Variants in SEPTIN11 observed in about 807,000 individuals in gnomAD.
SEPTIN11 encodes the protein septin 11.
Under a neutral mutation model 51.4 loss-of-function variants are expected in SEPTIN11, and 25 were observed. That is an observed-to-expected ratio of 0.49 (90% CI 0.35 to 0.68). The LOEUF (loss-of-function observed/expected upper bound fraction) is 0.68. Ranked by LOEUF, SEPTIN11 falls within the 30% of genes least tolerant of loss-of-function variation. The pLI is 0.00. For missense variants in SEPTIN11, 381 were observed against 520.8 expected (o/e 0.73, Z 2.61); for synonymous variants, 174 against 184.1 (o/e 0.95, Z 0.44).
At chr4:76,967,904 G>T (rs1269274284) in intron 1 of SEPTIN11, among the ~76,000 whole-genome samples, 3 of 152,082 alleles carry the variant, frequency 2.0e-5, no homozygotes, top group East Asian at 3.9e-4. Flanking sequence ...CAACATTTTT[G>T]AATTGTTTCT....
chr4:76,999,441 CCCTT>C (rs1485050612), intron 2 of SEPTIN11, among the ~76,000 whole-genome samples: 1 of 152,166 alleles, frequency 6.6e-6, no homozygotes, highest in African/African-American at 2.4e-5. Context: ...CTTACTTACT[CCCTT>C]CCTCTTACTG....
At chr4:76,971,824 A>G (rs949466110) in intron 1 of SEPTIN11, among the ~76,000 whole-genome samples, 2 of 152,240 alleles carry the variant, frequency 1.3e-5, no homozygotes, top group African/African-American at 4.8e-5. Context: ...TACACTGTTC[A>G]TCTTTAAAGA....
intron 2 of SEPTIN11, among the ~76,000 whole-genome samples, chr4:77,004,458 C>T (rs999534145): frequency 6.6e-6 from 1 of 152,164 alleles, no homozygotes; most frequent in Non-Finnish European, 1.5e-5. Context: ...AAATGTTAGG[C>T]AGTCAGTTTT....
chr4:77,001,064 C>T (rs184356492), intron 2 of SEPTIN11, among the ~76,000 whole-genome samples: 22 of 152,240 alleles, frequency 1.4e-4, no homozygotes, highest in African/African-American at 4.1e-4. Context: ...GTTTTTCCCC[C>T]GCCTTGTTCA....
chr4:77,004,344 G>T (rs950051161), intron 2 of SEPTIN11, among the ~76,000 whole-genome samples: 1 of 152,326 alleles, frequency 6.6e-6, no homozygotes, highest in Admixed American at 6.5e-5. Context: ...TCACACTGAA[G>T]CTGGGAAAAC....
At chr4:76,992,569 C>G (rs1578152667) in intron 1 of SEPTIN11, among the ~76,000 whole-genome samples, 1 of 152,158 alleles carries the variant, frequency 6.6e-6, no homozygotes, top group East Asian at 1.9e-4. Flanking sequence ...AACAATGTAA[C>G]TAATTTATAG....
At chr4:77,000,225 G>A (rs1188716169) in intron 2 of SEPTIN11, among the ~76,000 whole-genome samples, 1 of 152,168 alleles carries the variant, frequency 6.6e-6, no homozygotes, top group African/African-American at 2.4e-5. Context: ...TTGTTTTGAG[G>A]GGATGAGAGA....
chr4:76,953,719 T>C (rs1421699293), intron 1 of SEPTIN11, among the ~76,000 whole-genome samples: 1 of 152,198 alleles, frequency 6.6e-6, no homozygotes, highest in Non-Finnish European at 1.5e-5. Flanking sequence ...TAAGCAGTTA[T>C]TAAGGAATGC....
rs141526713 is a variant in SEPTIN11, at chr4:77,024,856, T to C, written c.954-3773T>C. Among the ~76,000 whole-genome samples, 671 of 152,182 alleles carry C rather than the reference T, an allele frequency of 4.4e-3. 7 individuals carry two copies. The highest frequency in any genetic ancestry group is 0.016 in the African/African-American group (655 of 41,506). The stretch of plus-strand genomic sequence containing the variant: ...GTTTCCCCATCTATAAAGTGGGAGG[T>C]GATAGTAATGGCTACCTTATTGGGT... On this transcript the variant is annotated intron_variant, in intron 7 of 9. Coordinates refer to ENST00000264893, the MANE Select transcript of SEPTIN11 (RefSeq NM_018243.4). This position sits in a 1 kb window ranked among gnomAD's most constrained non-coding sequence, Gnocchi z 4.2.
At chr4:77,028,796 G>T (rs1378959940) in intron 8 of SEPTIN11, 35 bp downstream of exon 8, 7 of 1,581,294 alleles carry the variant, frequency 4.4e-6, no homozygotes, top group Non-Finnish European at 6.0e-6. Context: ...GGAAAGATTT[G>T]TAAGAGAGAG....
At chr4:76,990,055 A>G (rs150908759) in intron 1 of SEPTIN11, among the ~76,000 whole-genome samples, 1,614 of 152,190 alleles carry the variant, frequency 0.011, 31 homozygotes, top group African/African-American at 0.036. Flanking sequence ...AGGGGACCTG[A>G]GCGGGTTGCC....
In SEPTIN11 at chr4:77,036,892, A is replaced by G; in HGVS notation, c.*2380A>G. 6 of 1,396,110 alleles carry G rather than the reference A, an allele frequency of 4.3e-6. No individual in the cohort carries two copies. The highest frequency in any genetic ancestry group is 5.5e-6 in the Non-Finnish European group (6 of 1,081,678). The allele number at this position is 1,396,110 out of a possible 1,614,324, so 86.5% of individuals were successfully genotyped here. A position where few individuals can be genotyped will look rare whatever the true frequency, so the allele number is the denominator to read the frequency against. ...TCTTTCTGACTTTTCAAAATTAGAG[A>G]AAGCAAATGGGATGGATAGATTTTT... On this transcript the variant is annotated 3_prime_UTR_variant, in exon 10 of 10. Coordinates refer to ENST00000264893, the MANE Select transcript of SEPTIN11 (RefSeq NM_018243.4).
intron 4 of SEPTIN11, among the ~76,000 whole-genome samples, chr4:77,012,319 T>G (rs555333548): frequency 6.6e-6 from 1 of 152,312 alleles, no homozygotes; most frequent in Non-Finnish European, 1.5e-5. Flanking sequence ...TGGTCCAGCT[T>G]CTTCAATTTT....
At chr4:76,983,836 C>T (rs1240788784) in intron 1 of SEPTIN11, among the ~76,000 whole-genome samples, 2 of 152,026 alleles carry the variant, frequency 1.3e-5, no homozygotes, top group African/African-American at 4.8e-5. Context: ...GGTGAAACCC[C>T]GTGTCTACTA....
Position 77,035,387 on chromosome 4 carries a change from G to A in SEPTIN11, c.*875G>A. On this transcript the variant is annotated 3_prime_UTR_variant, in exon 10 of 10. Transcript: ENST00000264893. ...TCAGTTTGTTCCCAGTGGGCTTAGA[G>A]GGAGGACCTGATGACTGATTCCAGG... The A allele has an allele frequency of 4.1e-6, 4 of 985,450 alleles. No homozygotes were observed. Among genetic ancestry groups the A allele is most frequent in the Non-Finnish European group, 4.8e-6 (4 of 829,934 alleles). 61.0% of individuals were successfully genotyped at this position (985,450 alleles called of 1,614,324 possible). A position where few individuals can be genotyped will look rare whatever the true frequency, so the allele number is the denominator to read the frequency against.
intron 1 of SEPTIN11, among the ~76,000 whole-genome samples, chr4:76,995,091 A>G (rs570954552): frequency 6.6e-6 from 1 of 151,336 alleles, no homozygotes; most frequent in Non-Finnish European, 1.5e-5. Flanking sequence ...TCTCTAAAAA[A>G]AAAAAAAAAT....
rs138558365 is a variant in SEPTIN11 at position 77,011,748 on chromosome 4, G to A, written c.352G>A (p.Val118Ile). The change falls in exon 4 of 10, where the codon GTA becomes ATA. Residue 118 changes from valine to isoleucine, a missense_variant. Coordinates refer to ENST00000264893, the MANE Select transcript of SEPTIN11 (RefSeq NM_018243.4). ...TCTGCATTCTAGCTATAAGCCGATA[G>A]TAGAATATATTGATGCCCAGTTCGA... ...INKDDSYKPI[V>I]EYIDAQFEAY... is the part of the protein sequence containing the mutation. 4 of 1,613,912 alleles carry A rather than the reference G, an allele frequency of 2.5e-6. No homozygotes were observed. The highest frequency in any genetic ancestry group is 3.4e-6 in the Non-Finnish European group (4 of 1,179,906).
chr4:76,950,830 G>A (rs1245108534), intron 1 of SEPTIN11, among the ~76,000 whole-genome samples: 1 of 152,176 alleles, frequency 6.6e-6, no homozygotes, highest in African/African-American at 2.4e-5. Flanking sequence ...GCGGAGGAAG[G>A]GGCGGCGGCG....
chr4:76,989,710 T>C (rs1221651093), intron 1 of SEPTIN11, among the ~76,000 whole-genome samples: 1 of 152,250 alleles, frequency 6.6e-6, no homozygotes, highest in African/African-American at 2.4e-5. Flanking sequence ...GCACTTTTAC[T>C]GTACCATTTC....
Sources: allele counts gnomAD v4.1 joint callset (sites outside exome capture counted in the v4.1 genomes callset), GRCh38; gene constraint gnomAD v4.1.1; non-coding constraint Gnocchi (gnomAD v3.1); transcripts MANE v1.5; gene names NCBI Gene and HGNC (gene_info 2026-07-23, HGNC 2026-07-21).